The following KCTD16 variants were observed in gnomAD, a reference collection of about 807,000 sequenced individuals.
KCTD16 encodes the protein potassium channel tetramerization domain containing 16, also known as BTB/POZ domain-containing protein KCTD16.
Under a neutral mutation model 33.2 loss-of-function variants are expected in KCTD16, and 13 were observed. That is an observed-to-expected ratio of 0.39 (90% CI 0.25 to 0.62). KCTD16 has a LOEUF of 0.62. Ranked by LOEUF, KCTD16 falls within the 20% of genes least tolerant of loss-of-function variation. The pLI is 0.50. For synonymous variants in KCTD16, 197 were observed against 195.3 expected, an observed-to-expected ratio of 1.01 and a Z score of -0.07; for missense variants, 441 against 525.1, an observed-to-expected ratio of 0.84 and a Z score of 1.57.
intron 3 of KCTD16, among the ~76,000 whole-genome samples, chr5:144,242,221 A>G (rs996850896): frequency 3.3e-5 from 5 of 152,048 alleles, no homozygotes; most frequent in African/African-American, 1.2e-4. Context: ...TTAATTATCT[A>G]GGGGCCATGT....
chr5:144,217,225 T>A (rs1329648019), intron 3 of KCTD16, among the ~76,000 whole-genome samples: 1 of 152,214 alleles, frequency 6.6e-6, no homozygotes, highest in East Asian at 1.9e-4. Flanking sequence ...CTCATTTACA[T>A]CAGTTAAAGA....
chr5:144,220,282 G>A (rs1415199863), intron 3 of KCTD16, among the ~76,000 whole-genome samples: 3 of 152,162 alleles, frequency 2.0e-5, no homozygotes, highest in African/African-American at 7.2e-5. Flanking sequence ...TCCTAGTGAT[G>A]TCTATTCAGT....
intron 3 of KCTD16, among the ~76,000 whole-genome samples, chr5:144,356,000 G>A (rs992638097): frequency 6.6e-6 from 1 of 152,128 alleles, no homozygotes; most frequent in Non-Finnish European, 1.5e-5. Context: ...CTTCTCTGGA[G>A]CTTGTAGAAC....
chr5:144,388,065 G>GTTTTTTTTTTTTTTTTTTTTTTTTTT (rs397999492), intron 3 of KCTD16, among the ~76,000 whole-genome samples: 2 of 73,662 alleles, frequency 2.7e-5, no homozygotes, highest in African/African-American at 6.2e-5. Context: ...TTTAGAGCAA[G>GTTTTTTTTTTTTTTTTTTTTTTTTTT]TTTTTTTTTT....
At chr5:144,462,692 A>G (rs1306922891) in intron 3 of KCTD16, among the ~76,000 whole-genome samples, 1 of 152,190 alleles carries the variant, frequency 6.6e-6, no homozygotes, top group African/African-American at 2.4e-5. Flanking sequence ...AACAAAAAAC[A>G]GACACATCTC....
At position 144,408,964 on chromosome 5, in the gene KCTD16, T is replaced by A. The variant is rs773030439; in HGVS notation, c.833-64696T>A. Among the ~76,000 whole-genome samples, 118 of 152,200 alleles carry A rather than the reference T, an allele frequency of 7.8e-4. 2 individuals carry two copies. The highest frequency in any genetic ancestry group is 5.4e-4 in the Non-Finnish European group (37 of 68,040). ...ACATAGTATCATGCTCTCTATTGTG[T>A]CACATTTTTGTGACTCACTTATTAC... On this transcript the variant is annotated intron_variant, in intron 3 of 3. Transcript: ENST00000512467.
At chr5:144,184,999 A>T (rs923935449) in intron 2 of KCTD16, among the ~76,000 whole-genome samples, 1 of 152,204 alleles carries the variant, frequency 6.6e-6, no homozygotes, top group East Asian at 1.9e-4. Context: ...AATAACCAAA[A>T]CTTGCTCTTA....
At chr5:144,246,105 A>T (rs753185782) in intron 3 of KCTD16, among the ~76,000 whole-genome samples, 1 of 152,178 alleles carries the variant, frequency 6.6e-6, no homozygotes, top group Non-Finnish European at 1.5e-5. Context: ...AGGATGCTGC[A>T]TCACAGAGAT....
intron 3 of KCTD16, among the ~76,000 whole-genome samples, chr5:144,353,463 T>G (rs1011199380): frequency 1.5e-4 from 23 of 152,294 alleles, no homozygotes; most frequent in African/African-American, 5.5e-4. Flanking sequence ...TCAGCCTAAT[T>G]TTTAATCTTC....
rs977664773 is a variant in KCTD16, at chr5:144,375,970, C to T, written c.833-97690C>T. On this transcript the variant is annotated intron_variant, in intron 3 of 3. Coordinates refer to ENST00000512467, the MANE Select transcript of KCTD16 (RefSeq NM_020768.4). ...GAATTCCTAGCTTGAATTACAGGCACGAGCCGCTAAATCTGGCTGATTTTT... is the reference window on the plus strand; with the variant it reads ...GAATTCCTAGCTTGAATTACAGGCATGAGCCGCTAAATCTGGCTGATTTTT... Among the ~76,000 whole-genome samples the T allele has an allele frequency of 4.6e-5, 7 of 151,434 alleles. No homozygotes were observed. In the East Asian group the frequency reaches 5.8e-4, roughly 13 times the overall value.
intron 3 of KCTD16, among the ~76,000 whole-genome samples, chr5:144,210,982 A>T (rs149767463): frequency 6.6e-6 from 1 of 152,280 alleles, no homozygotes; most frequent in Non-Finnish European, 1.5e-5. Context: ...AAACAGACAC[A>T]CTGATTCATC....
intron 2 of KCTD16, among the ~76,000 whole-genome samples, chr5:144,204,918 T>G (rs908332357): frequency 6.6e-6 from 1 of 151,748 alleles, no homozygotes; most frequent in African/African-American, 2.4e-5. Context: ...TGGGGTCATT[T>G]GGTGTGCGTG....
chr5:144,377,160 T>C (rs1005227839), intron 3 of KCTD16, among the ~76,000 whole-genome samples: 1 of 152,222 alleles, frequency 6.6e-6, no homozygotes, highest in East Asian at 1.9e-4. Context: ...CCCTTCTCTG[T>C]TCAAGGAGAA....
chr5:144,280,548 C>A (rs929846060), intron 3 of KCTD16, among the ~76,000 whole-genome samples: 3 of 152,266 alleles, frequency 2.0e-5, no homozygotes, highest in East Asian at 3.9e-4. Flanking sequence ...TGTTTTCTCT[C>A]TCTTTCTTTT....
intron 2 of KCTD16, among the ~76,000 whole-genome samples, chr5:144,200,539 G>A (rs1356443510): frequency 6.6e-6 from 1 of 152,098 alleles, no homozygotes; most frequent in Non-Finnish European, 1.5e-5. Context: ...CTGAAGATTT[G>A]ACAGCTGTAT....
intron 3 of KCTD16, among the ~76,000 whole-genome samples, chr5:144,372,504 A>G (rs1252663945): frequency 6.6e-6 from 1 of 152,160 alleles, no homozygotes; most frequent in Non-Finnish European, 1.5e-5. Flanking sequence ...ATCATAATAT[A>G]ATGGTGGATG....
rs1755323010 is a variant in KCTD16, at chr5:144,272,396, C to T, written c.832+64850C>T. 2.0e-5 allele frequency among the ~76,000 whole-genome samples: 3 copies of T among 152,066 alleles called. No individual in the cohort carries two copies. The South Asian group carries it at 6.2e-4, about 32-fold the overall frequency. On this transcript the variant is annotated intron_variant, in intron 3 of 3. Transcript: ENST00000512467. ...AGTGAGCTGAGGTTGCACCATTGGA[C>T]TCCAGCCTGGGCAACAAGAGTGAAA...
chr5:144,461,944 C>T (rs1027888297), intron 3 of KCTD16, among the ~76,000 whole-genome samples: 5 of 152,176 alleles, frequency 3.3e-5, no homozygotes, highest in African/African-American at 1.2e-4. Flanking sequence ...AGAACTTCCC[C>T]GCTCTCCAAA....
chr5:144,262,667 G>A (rs1755044982), intron 3 of KCTD16, among the ~76,000 whole-genome samples: 1 of 152,162 alleles, frequency 6.6e-6, no homozygotes, highest in Non-Finnish European at 1.5e-5. Context: ...TCTTAAAAGA[G>A]AAAGACCTTC....
Sources: allele counts gnomAD v4.1 joint callset (sites outside exome capture counted in the v4.1 genomes callset), GRCh38; gene constraint gnomAD v4.1.1; transcripts MANE v1.5; gene names NCBI Gene and HGNC (gene_info 2026-07-23, HGNC 2026-07-21).